CNTNAP2: variants seen among roughly 807,000 people sequenced by gnomAD.
CNTNAP2 encodes the protein contactin-associated protein-like 2.
In CNTNAP2, 98 loss-of-function variants were observed where a neutral mutation model predicts 155.2. The ratio of observed to expected loss-of-function variants is 0.63; its 90% CI spans 0.54 to 0.75. The LOEUF is 0.75. Ranked by LOEUF, CNTNAP2 falls within the 30% of genes least tolerant of loss-of-function variation. CNTNAP2 has a pLI of 0.00. For missense variants in CNTNAP2, 1,727 were observed against 1,688.1 expected (o/e 1.02, Z -0.40); for synonymous variants, 651 against 631.2 (o/e 1.03, Z -0.47).
At chr7:147,773,019 G>T (rs996162633) in intron 13 of CNTNAP2, among the ~76,000 whole-genome samples, 10 of 152,120 alleles carry the variant, frequency 6.6e-5, no homozygotes, top group African/African-American at 2.4e-4. Flanking sequence ...ACTGTGCACA[G>T]TCTCTACCAG....
chr7:147,033,800 A>G (rs1250481384), intron 3 of CNTNAP2, among the ~76,000 whole-genome samples: 1 of 129,130 alleles, frequency 7.7e-6, no homozygotes, highest in East Asian at 2.0e-4. Context: ...GAAGAGGGGA[A>G]AAAAAAAAAA....
In CNTNAP2 at chr7:147,801,462, A is replaced by G. The variant is rs185679514; in HGVS notation, c.2099-102103A>G. On this transcript the variant is annotated intron_variant, in intron 13 of 23. Coordinates refer to ENST00000361727, the MANE Select transcript of CNTNAP2 (RefSeq NM_014141.6). ...GGTCTCTGGTTTTCCTAGGCAGAGC[A>G]CCCTGCGGCCTTCCGCAGTGTTTGT... Among the ~76,000 whole-genome samples, 186 of 152,006 alleles carry G rather than the reference A, an allele frequency of 1.2e-3. 6 individuals are homozygous for G. In the East Asian group the frequency reaches 0.031, roughly 25 times the overall value.
chr7:148,240,794 G>A (rs1159373819), intron 20 of CNTNAP2, among the ~76,000 whole-genome samples: 5 of 152,136 alleles, frequency 3.3e-5, no homozygotes, highest in Non-Finnish European at 5.9e-5. Context: ...GTGGTCGAAG[G>A]TCCAAGAGTA....
At chr7:147,502,759 A>ATATATAT (rs1798841974) in intron 11 of CNTNAP2, among the ~76,000 whole-genome samples, 1 of 151,312 alleles carries the variant, frequency 6.6e-6, no homozygotes. Flanking sequence ...ATATATATAT[A>ATATATAT]AAACAAATCA....
chr7:148,091,577 T>G (rs1382360180), intron 15 of CNTNAP2, among the ~76,000 whole-genome samples: 1 of 152,138 alleles, frequency 6.6e-6, no homozygotes, highest in African/African-American at 2.4e-5. Context: ...TGTCAACAAA[T>G]AGCAATGTTT....
intron 12 of CNTNAP2, among the ~76,000 whole-genome samples, chr7:147,590,428 A>G (rs1027795733): frequency 6.6e-6 from 1 of 152,082 alleles, no homozygotes; most frequent in Non-Finnish European, 1.5e-5. Flanking sequence ...GATGGTCTTT[A>G]TAAGGAGCTT....
At chr7:148,164,823 T>TATTTTTG (rs1805620481) in intron 17 of CNTNAP2, among the ~76,000 whole-genome samples, 1 of 151,620 alleles carries the variant, frequency 6.6e-6, no homozygotes, top group South Asian at 2.1e-4. Context: ...TTTTATTTTT[T>TATTTTTG]TTTTAGTACA....
At chr7:147,715,420 C>A (rs957183173) in intron 13 of CNTNAP2, among the ~76,000 whole-genome samples, 2 of 152,026 alleles carry the variant, frequency 1.3e-5, no homozygotes, top group Non-Finnish European at 2.9e-5. Flanking sequence ...ATTTTAATTT[C>A]TCTGATGACT....
intron 1 of CNTNAP2, among the ~76,000 whole-genome samples, chr7:146,474,077 TC>T (rs1394142983): frequency 1.3e-5 from 2 of 152,084 alleles, no homozygotes; most frequent in African/African-American, 4.8e-5. Context: ...TGGAATGGAC[TC>T]TCCATGATTG....
chr7:147,474,895 G>A (rs1023692321), intron 10 of CNTNAP2, among the ~76,000 whole-genome samples: 5 of 152,124 alleles, frequency 3.3e-5, no homozygotes, highest in African/African-American at 1.2e-4. Flanking sequence ...AGGGGAAAAT[G>A]GAGATTTCTG....
At chr7:147,764,832 T>C (rs767802726) in intron 13 of CNTNAP2, among the ~76,000 whole-genome samples, 1 of 152,194 alleles carries the variant, frequency 6.6e-6, no homozygotes, top group Non-Finnish European at 1.5e-5. Flanking sequence ...TGGTGCTAAC[T>C]AAAAAGCCAG....
chr7:147,801,062 CA>C (rs975435947), intron 13 of CNTNAP2, among the ~76,000 whole-genome samples: 2 of 152,144 alleles, frequency 1.3e-5, no homozygotes, highest in Non-Finnish European at 2.9e-5. Flanking sequence ...TGGGAAGTGA[CA>C]AAGTGACTCT....
intron 3 of CNTNAP2, among the ~76,000 whole-genome samples, chr7:146,879,940 A>G (rs920015782): frequency 1.3e-5 from 2 of 152,082 alleles, no homozygotes; most frequent in Non-Finnish European, 2.9e-5. Flanking sequence ...ACATGGTGGC[A>G]GACAAGACAG....
chr7:147,497,351 C>T (rs765029962), intron 11 of CNTNAP2, among the ~76,000 whole-genome samples: 3 of 152,180 alleles, frequency 2.0e-5, no homozygotes, highest in African/African-American at 7.2e-5. Context: ...GATGCCACCA[C>T]CAAATGCCAG....
intron 1 of CNTNAP2, among the ~76,000 whole-genome samples, chr7:146,140,514 TTCTC>T (rs1797861736): frequency 6.6e-6 from 1 of 152,128 alleles, no homozygotes; most frequent in South Asian, 2.1e-4. Context: ...TTAAAATATA[TTCTC>T]ATATATTAAT....
chr7:146,389,703 C>CTTTTTTTTTTTTTTTTTTTTTTTTTTCT (rs750823074), intron 1 of CNTNAP2, among the ~76,000 whole-genome samples: 2 of 129,016 alleles, frequency 1.6e-5, no homozygotes, highest in African/African-American at 2.9e-5. Flanking sequence ...TTTCTTTTTT[C>CTTTTTTTTTTTTTTTTTTTTTTTTTTCT]TTTTTTTTTT....
chr7:147,668,514 G>A (rs1035816277), intron 13 of CNTNAP2, among the ~76,000 whole-genome samples: 11 of 152,216 alleles, frequency 7.2e-5, no homozygotes, highest in African/African-American at 2.4e-5. Flanking sequence ...GGGACAAGGT[G>A]TAGAGGTGGA....
intron 15 of CNTNAP2, among the ~76,000 whole-genome samples, chr7:148,038,424 C>T (rs1017472523): frequency 6.6e-6 from 1 of 152,186 alleles, no homozygotes; most frequent in East Asian, 1.9e-4. Flanking sequence ...TTCAACACCC[C>T]CTCTTTGTCC....
chr7:146,708,747 C>T (rs1169464169), intron 1 of CNTNAP2, among the ~76,000 whole-genome samples: 1 of 151,422 alleles, frequency 6.6e-6, no homozygotes, highest in Non-Finnish European at 1.5e-5. Context: ...AAGTGTGCAC[C>T]ACCACACATG....
Sources: allele counts gnomAD v4.1 joint callset (sites outside exome capture counted in the v4.1 genomes callset), GRCh38; gene constraint gnomAD v4.1.1; transcripts MANE v1.5; gene names NCBI Gene and HGNC (gene_info 2026-07-23, HGNC 2026-07-21).